CUX2: variants seen among roughly 807,000 people sequenced by gnomAD.
CUX2 encodes the protein homeobox protein cut-like 2.
Under a neutral mutation model 144.8 loss-of-function variants are expected in CUX2, and 40 were observed. The observed-to-expected ratio is 0.28, with a 90% CI of 0.21 to 0.36. CUX2 has a LOEUF of 0.36. Among genes scored for constraint, CUX2 ranks in the 10% least tolerant of loss-of-function variants. The pLI, the probability that CUX2 is intolerant of heterozygous loss-of-function variation, is 1.00. For synonymous variants in CUX2, 827 were observed against 875.6 expected, an observed-to-expected ratio of 0.94 and a Z score of 0.98; for missense variants, 1,615 against 1,994.0, an observed-to-expected ratio of 0.81 and a Z score of 3.62.
At chr12:111,248,123 ACTC>A in intron 3 of CUX2, among the ~76,000 whole-genome samples, 1 of 151,648 alleles carries the variant, frequency 6.6e-6, no homozygotes, top group Admixed American at 6.6e-5. Flanking sequence ...CTGGTCTTGA[ACTC>A]CTGACCTCAG....
chr12:111,260,948 G>C (rs569140420), intron 3 of CUX2, among the ~76,000 whole-genome samples: 24 of 152,328 alleles, frequency 1.6e-4, no homozygotes, highest in African/African-American at 5.3e-4. Flanking sequence ...AGACCCATGA[G>C]ATGAATTGCT....
In CUX2 at chr12:111,263,680, T is replaced by TG; in HGVS notation, c.223-79dup. The TG allele has an allele frequency of 9.0e-7, 1 of 1,115,294 alleles. No homozygotes were observed. Among genetic ancestry groups the TG allele is most frequent in the Non-Finnish European group, 1.3e-6 (1 of 751,958 alleles). The allele number at this position is 1,115,294 out of a possible 1,614,324, so 69.1% of individuals were successfully genotyped here. A position where few individuals can be genotyped will look rare whatever the true frequency, so the allele number is the denominator to read the frequency against. On this transcript the variant is annotated intron_variant, in intron 3 of 21. Transcript: ENST00000261726. The surrounding 1 kb of genome is among the most constrained non-coding windows in gnomAD (Gnocchi z 4.0). ...CAAAAAACCTGCAGATGTTTTCTTGTGGAAAAAAAAAATGATGAAATTTGC... is the reference window on the plus strand; with the variant it reads ...CAAAAAACCTGCAGATGTTTTCTTGTGGGAAAAAAAAAATGATGAAATTTGC...
At chr12:111,346,475 CA>C (rs1012828428) in intron 21 of CUX2, among the ~76,000 whole-genome samples, 1,385 of 87,420 alleles carry the variant, frequency 0.016, 14 homozygotes, top group African/African-American at 0.045. Flanking sequence ...GACTCCATCT[CA>C]AAAAAAAAAA....
intron 4 of CUX2, among the ~76,000 whole-genome samples, chr12:111,266,363 C>G (rs1884386025): frequency 6.6e-6 from 1 of 151,522 alleles, no homozygotes; most frequent in African/African-American, 2.4e-5. Flanking sequence ...CCCAGCTACT[C>G]AAGAGGCTGA....
In CUX2 at chr12:111,310,633, G is replaced by A. The variant is rs374551900; in HGVS notation, c.1851G>A (p.Ser617=). 1.3e-5 allele frequency: 21 copies of A among 1,608,530 alleles called. No individual in the cohort carries two copies. Among genetic ancestry groups the A allele is most frequent in the Middle Eastern group, 3.3e-4 (2 of 6,046 alleles). The change falls in exon 15 of 22, where the codon TCG becomes TCA. Residue 617 remains serine (S), a synonymous_variant. Coordinates refer to ENST00000261726, the MANE Select transcript of CUX2 (RefSeq NM_015267.4). The surrounding 1 kb of genome is among the most constrained non-coding windows in gnomAD (Gnocchi z 7.9). ...EPFIKMKQFL[S]DEQNVLALRT... Reference sequence around the variant, plus strand: ...TCATCAAGATGAAGCAGTTCCTGTCGGATGAGCAGAATGTACTGGCGCTCA... The same window carrying A: ...TCATCAAGATGAAGCAGTTCCTGTCAGATGAGCAGAATGTACTGGCGCTCA...
chr12:111,225,676 A>G (rs1882099951), intron 3 of CUX2, among the ~76,000 whole-genome samples: 1 of 152,076 alleles, frequency 6.6e-6, no homozygotes, highest in Non-Finnish European at 1.5e-5. Context: ...AGATTTAGGG[A>G]CCCAGCTGGA....
At chr12:111,187,291 G>T (rs1239038156) in intron 1 of CUX2, among the ~76,000 whole-genome samples, 2 of 152,182 alleles carry the variant, frequency 1.3e-5, no homozygotes, top group East Asian at 1.9e-4. Flanking sequence ...CGTGACTCCT[G>T]TAGCATTGGG....
At chr12:111,332,216 T>C (rs1592979009) in intron 18 of CUX2, among the ~76,000 whole-genome samples, 1 of 140,578 alleles carries the variant, frequency 7.1e-6, no homozygotes, top group East Asian at 2.4e-4. Flanking sequence ...CTCTGCGAGC[T>C]CCGCCTCCCA....
intron 3 of CUX2, among the ~76,000 whole-genome samples, chr12:111,222,578 G>A (rs1881911919): frequency 6.6e-6 from 1 of 152,230 alleles, no homozygotes; most frequent in Non-Finnish European, 1.5e-5. Flanking sequence ...ACACCCAGGA[G>A]AGGTTAGACA....
chr12:111,054,657 C>T (rs1566191957), intron 1 of CUX2, among the ~76,000 whole-genome samples: 1 of 152,106 alleles, frequency 6.6e-6, no homozygotes, highest in Non-Finnish European at 1.5e-5. Context: ...GATGGAGTCT[C>T]ACTCTGTCAC....
chr12:111,281,209 C>T (rs1885100141), intron 4 of CUX2, among the ~76,000 whole-genome samples: 1 of 152,122 alleles, frequency 6.6e-6, no homozygotes, highest in Non-Finnish European at 1.5e-5. Context: ...TGCCACCTGT[C>T]CCCCCCATCT....
Position 111,320,018 on chromosome 12 carries a change from C to T in CUX2, c.2009C>T (p.Pro670Leu). 6.6e-7 allele frequency: 1 copy of T among 1,525,678 alleles called. No homozygotes were observed. Among genetic ancestry groups the T allele is most frequent in the Non-Finnish European group, 8.8e-7 (1 of 1,142,324 alleles). The allele number at this position is 1,525,678 out of a possible 1,614,324, so 94.5% of individuals were successfully genotyped here. A position where few individuals can be genotyped will look rare whatever the true frequency, so the allele number is the denominator to read the frequency against. Residue 670 changes from proline to leucine, a missense_variant, in exon 17 of 22, where the codon CCC becomes CTC. This residue lies in a region of CUX2 where 390 missense variants were observed against 387.1 expected (regional missense o/e 1.01). Coordinates refer to ENST00000261726, the MANE Select transcript of CUX2 (RefSeq NM_015267.4). This position sits in a 1 kb window ranked among gnomAD's most constrained non-coding sequence, Gnocchi z 8.1. ...KEIESQKGGE[P>L]KTSVAPLSIA... ...CCTGTCCCCCTCCCCGCAGGCGAGC[C>T]CAAGACCTCGGTGGCCCCGCTGAGC...
intron 1 of CUX2, among the ~76,000 whole-genome samples, chr12:111,090,785 C>T (rs143380630): frequency 6.6e-6 from 1 of 152,052 alleles, no homozygotes; most frequent in African/African-American, 2.4e-5. Flanking sequence ...AAATGTGCCA[C>T]CAACCCATCA....
In CUX2 at chr12:111,320,187, G is replaced by A. The variant is rs1887444535; in HGVS notation, c.2178G>A (p.Ser726=). 4 of 1,528,648 alleles carry A rather than the reference G, an allele frequency of 2.6e-6. No individual in the cohort carries two copies. The highest frequency in any genetic ancestry group is 2.4e-5 in the East Asian group (1 of 41,116). The allele number at this position is 1,528,648 out of a possible 1,614,324, so 94.7% of individuals were successfully genotyped here. A position where few individuals can be genotyped will look rare whatever the true frequency, so the allele number is the denominator to read the frequency against. The change falls in exon 17 of 22, where the codon TCG becomes TCA. Residue 726 remains serine (S), a synonymous_variant. Coordinates refer to ENST00000261726, the MANE Select transcript of CUX2 (RefSeq NM_015267.4). The surrounding 1 kb of genome is among the most constrained non-coding windows in gnomAD (Gnocchi z 8.1). ...VAPRGRSVPP[S]PPERPSLATA... is the part of the protein sequence containing the mutation. ...CCAGGGGCCGCTCGGTGCCCCCCTC[G>A]CCCCCGGAGCGGCCATCACTGGCCA...
rs1046151056 is a variant in CUX2, at chr12:111,178,395, T to C, written c.64-35805T>C. Among the ~76,000 whole-genome samples, 1 of 152,246 alleles carries C rather than the reference T, an allele frequency of 6.6e-6. No individual in the cohort carries two copies. Among genetic ancestry groups the C allele is most frequent in the Admixed American group, 6.5e-5 (1 of 15,286 alleles). On this transcript the variant is annotated intron_variant, in intron 1 of 21. Coordinates refer to ENST00000261726, the MANE Select transcript of CUX2 (RefSeq NM_015267.4). The surrounding 1 kb of genome is among the most constrained non-coding windows in gnomAD (Gnocchi z 5.7). ...CCTGTGGTCTGGCAGGAATATAATT[T>C]GCTGTCACGTTGACAAGTCCAGCCC...
chr12:111,111,846 G>T (rs530829761), intron 1 of CUX2, among the ~76,000 whole-genome samples: 2 of 150,818 alleles, frequency 1.3e-5, no homozygotes, highest in East Asian at 3.9e-4. Flanking sequence ...AGGCAAATTT[G>T]CCTTTAAAAA....
intron 3 of CUX2, among the ~76,000 whole-genome samples, chr12:111,254,464 G>A (rs917545963): frequency 1.1e-4 from 17 of 152,320 alleles, no homozygotes; most frequent in African/African-American, 4.1e-4. Context: ...AGGAGAGGGG[G>A]CCTCAGAGCT....
rs1477163480 is a variant in CUX2 at position 111,277,341 on chromosome 12, T to G, written c.301+13502T>G. Among the ~76,000 whole-genome samples the G allele has an allele frequency of 6.6e-6, 1 of 152,136 alleles. No individual in the cohort carries two copies. Among genetic ancestry groups the G allele is most frequent in the Non-Finnish European group, 1.5e-5 (1 of 68,022 alleles). On this transcript the variant is annotated intron_variant, in intron 4 of 21. Transcript: ENST00000261726. The surrounding 1 kb of genome is among the most constrained non-coding windows in gnomAD (Gnocchi z 5.0). ...GTTATGAAGATGGAGCAAAGTTGTATTTCTGGGACGGTAACCCCAGGGGAG... is the reference window on the plus strand; with the variant it reads ...GTTATGAAGATGGAGCAAAGTTGTAGTTCTGGGACGGTAACCCCAGGGGAG...
intron 3 of CUX2, among the ~76,000 whole-genome samples, chr12:111,259,411 G>A (rs1300176831): frequency 6.6e-6 from 1 of 152,034 alleles, no homozygotes; most frequent in Non-Finnish European, 1.5e-5. Flanking sequence ...CCATGCCTTT[G>A]TTCCAATAAA....
Sources: gnomAD v4.1 joint callset for allele counts (sites outside exome capture counted in the v4.1 genomes callset) on GRCh38, gnomAD v4.1.1 for gene constraint, gnomAD v4.1.1 regional missense constraint, Gnocchi (gnomAD v3.1) non-coding constraint, MANE v1.5 for transcripts, NCBI Gene and HGNC (gene_info 2026-07-23, HGNC 2026-07-21) for gene names.